ELL2: variants seen among roughly 807,000 people sequenced by gnomAD.
ELL2 encodes elongation factor for RNA polymerase II 2.
A neutral mutation model predicts 72.8 loss-of-function variants in ELL2; 21 were observed. That is an observed-to-expected ratio of 0.29 (90% CI 0.20 to 0.42). The LOEUF is 0.42. Among genes scored for constraint, ELL2 ranks in the 10% least tolerant of loss-of-function variants. The probability of loss-of-function intolerance (pLI) is 1.00; values close to 1 mark genes in which losing one functional copy is unlikely to be tolerated. For synonymous variants in ELL2, 266 were observed against 283.2 expected, an observed-to-expected ratio of 0.94 and a Z score of 0.61; for missense variants, 568 against 772.8, an observed-to-expected ratio of 0.73 and a Z score of 3.14.
intron 2 of ELL2, among the ~76,000 whole-genome samples, chr5:95,930,641 C>T (rs573887212): frequency 4.6e-5 from 7 of 152,012 alleles, no homozygotes; most frequent in Non-Finnish European, 8.8e-5. Flanking sequence ...GTAAGTCTTA[C>T]GGGGAACTTA....
At position 95,887,982 on chromosome 5, in the gene ELL2, AAAAC is replaced by A. The variant is rs1030956780; in HGVS notation, c.*885_*888del. Reference sequence around the variant, plus strand: ...AAAGTAGCAATTTGATAGAAGAAAAAAAACAAAAAAACAAAAAAACACCCTACAG... The same window carrying A: ...AAAGTAGCAATTTGATAGAAGAAAAAAAAAAAACAAAAAAACACCCTACAG... On this transcript the variant is annotated 3_prime_UTR_variant, in exon 12 of 12. Transcript: ENST00000237853. 2 of 152,480 alleles carry A rather than the reference AAAAC, an allele frequency of 1.3e-5. No individual in the cohort carries two copies. Among genetic ancestry groups the A allele is most frequent in the African/African-American group, 4.8e-5 (2 of 41,380 alleles). 9.4% of individuals were successfully genotyped at this position (152,480 alleles called of 1,614,324 possible).
chr5:95,894,235 C>T (rs148992242), intron 9 of ELL2, among the ~76,000 whole-genome samples: 96 of 152,104 alleles, frequency 6.3e-4, no homozygotes, highest in African/African-American at 2.2e-3. Context: ...AGCGAAATTC[C>T]GTCTCAAAAA....
intron 9 of ELL2, among the ~76,000 whole-genome samples, chr5:95,892,353 C>T (rs1748698976): frequency 6.6e-6 from 1 of 152,026 alleles, no homozygotes; most frequent in African/African-American, 2.4e-5. Context: ...CGTCATGTTG[C>T]CCAGTCTGGT....
chr5:95,932,075 G>T (rs1269681366), intron 2 of ELL2, among the ~76,000 whole-genome samples: 1 of 150,784 alleles, frequency 6.6e-6, no homozygotes, highest in Non-Finnish European at 1.5e-5. Flanking sequence ...CATCTACTCT[G>T]AAAATGCATT....
chr5:95,887,612 T>C lies in ELL2; in HGVS notation c.*1259A>G, dbSNP rs1410266199. ...TCCCACATGATAAAACAAGTGACAG[T>C]TTAAATCAATGTCAACAGATAAACT... On this transcript the variant is annotated 3_prime_UTR_variant, in exon 12 of 12. Coordinates refer to ENST00000237853, the MANE Select transcript of ELL2 (RefSeq NM_012081.6). 1 of 152,634 alleles carries C rather than the reference T, an allele frequency of 6.6e-6. No homozygotes were observed. The highest frequency in any genetic ancestry group is 1.5e-5 in the Non-Finnish European group (1 of 68,026). The allele number at this position is 152,634 out of a possible 1,614,324, so 9.5% of individuals were successfully genotyped here.
rs1185192074 is a variant in ELL2, at chr5:95,919,610, C to G, written c.196-65G>C. ...AATTTGCCATAGAAAAGTCTTAAGACTGACTTACTGGTTTTTCTAGTGAAA... is the reference window on the plus strand; with the variant it reads ...AATTTGCCATAGAAAAGTCTTAAGAGTGACTTACTGGTTTTTCTAGTGAAA... On this transcript the variant is annotated intron_variant, in intron 2 of 11. Coordinates refer to ENST00000237853, the MANE Select transcript of ELL2 (RefSeq NM_012081.6). The G allele has an allele frequency of 2.0e-6, 3 of 1,482,538 alleles. No homozygotes were observed. In the African/African-American group the frequency reaches 4.4e-5, roughly 22 times the overall value. The allele number at this position is 1,482,538 out of a possible 1,614,324, so 91.8% of individuals were successfully genotyped here.
chr5:95,934,790 TTTGAAC>T (rs1383685778), intron 2 of ELL2, among the ~76,000 whole-genome samples: 2 of 152,222 alleles, frequency 1.3e-5, no homozygotes, highest in Non-Finnish European at 2.9e-5. Flanking sequence ...TCTTGTCATA[TTTGAAC>T]TTGGCATCTC....
rs3777203 is a variant in ELL2 at position 95,898,673 on chromosome 5, C to T, written c.1092G>A (p.Pro364=). 447,295 of 1,610,574 alleles carry T rather than the reference C, an allele frequency of 0.28. 64,193 individuals carry two copies. Among genetic ancestry groups the T allele is most frequent in the African/African-American group, 0.43 (32,478 of 74,732 alleles). The change falls in exon 8 of 12, where the codon CCG becomes CCA. Residue 364 remains proline, a synonymous_variant. Coordinates refer to ENST00000237853, the MANE Select transcript of ELL2 (RefSeq NM_012081.6). The part of the protein sequence containing the change: ...PTSEKSAAGL[P]LPPAAAAIPT... Reference sequence around the variant, plus strand: ...GGATGGCAGCAGCCGCAGGGGGCAGCGGGAGGCCTGCAGCAGATTTTTCAC... The same window carrying T: ...GGATGGCAGCAGCCGCAGGGGGCAGTGGGAGGCCTGCAGCAGATTTTTCAC...
At chr5:95,953,677 A>G (rs1751504803) in intron 1 of ELL2, among the ~76,000 whole-genome samples, 1 of 126,398 alleles carries the variant, frequency 7.9e-6, no homozygotes, top group East Asian at 2.5e-4. Flanking sequence ...TGCACTCATG[A>G]TTCTTTTGTT....
intron 1 of ELL2, among the ~76,000 whole-genome samples, chr5:95,958,890 C>G (rs1399723083): frequency 6.7e-6 from 1 of 148,830 alleles, no homozygotes; most frequent in Admixed American, 6.7e-5. Context: ...ACTTTGGTAC[C>G]TCTTAAAAAG....
rs541610844 is a variant in ELL2 at position 95,893,044 on chromosome 5, T to TA, written c.1590-1771dup. Among the ~76,000 whole-genome samples the TA allele has an allele frequency of 1.4e-3, 214 of 152,318 alleles. 1 individual carries two copies. The highest frequency in any genetic ancestry group is 4.9e-3 in the African/African-American group (203 of 41,560). ...ACACAGCTAAACCGATCTTAAAACT[T>TA]AGACTTAATTTGTTATATATTTATC... On this transcript the variant is annotated intron_variant, in intron 9 of 11. Transcript: ENST00000237853.
At chr5:95,911,592 C>T (rs536302665) in intron 4 of ELL2, among the ~76,000 whole-genome samples, 15 of 152,086 alleles carry the variant, frequency 9.9e-5, no homozygotes, top group East Asian at 7.7e-4. Flanking sequence ...GTGATCTGCC[C>T]GCCTCGGCCT....
chr5:95,944,272 C>A (rs1751075089), intron 1 of ELL2, among the ~76,000 whole-genome samples: 2 of 152,120 alleles, frequency 1.3e-5, no homozygotes, highest in Admixed American at 1.3e-4. Context: ...CATTAGCTAT[C>A]TTATTATTAT....
chr5:95,950,941 T>C lies in ELL2; in HGVS notation c.148-7892A>G, dbSNP rs1321200067. On this transcript the variant is annotated intron_variant, in intron 1 of 11. Transcript: ENST00000237853. ...ATATATATATATATATATATATATA[T>C]ATATATATATATAAAATCTTCATAT... Among the ~76,000 whole-genome samples, 64 of 109,316 alleles carry C rather than the reference T, an allele frequency of 5.9e-4. 3 individuals carry two copies. The highest frequency in any genetic ancestry group is 1.1e-3 in the Non-Finnish European group (58 of 54,114). The allele number at this position is 109,316 out of a possible 152,430, so 71.7% of individuals were successfully genotyped here.
Position 95,895,874 on chromosome 5 carries a change from C to T in ELL2, c.1526-183G>A, listed in dbSNP as rs568270554. Reference sequence around the variant, plus strand: ...TGAACAATAGAGGCCCTATGACCAGCGCCAGCAGAACCGACGCCAGGCATT... The same window carrying T: ...TGAACAATAGAGGCCCTATGACCAGTGCCAGCAGAACCGACGCCAGGCATT... On this transcript the variant is annotated intron_variant, in intron 8 of 11. Coordinates refer to ENST00000237853, the MANE Select transcript of ELL2 (RefSeq NM_012081.6). Among the ~76,000 whole-genome samples the T allele has an allele frequency of 8.5e-4, 130 of 152,288 alleles. No homozygotes were observed. The Middle Eastern group carries it at 0.01, about 12-fold the overall frequency.
intron 1 of ELL2, among the ~76,000 whole-genome samples, chr5:95,945,335 T>C (rs1052046601): frequency 1.3e-5 from 2 of 152,222 alleles, no homozygotes; most frequent in East Asian, 3.8e-4. Flanking sequence ...CTTCATATTC[T>C]ATTAGTCGTT....
intron 7 of ELL2, 114 bp from the exon 8 acceptor site, chr5:95,898,924 G>C (rs1749003837): frequency 1.3e-6 from 1 of 765,862 alleles, no homozygotes; most frequent in Non-Finnish European, 1.9e-6. Context: ...AATATTACCA[G>C]GGTTGTAATA....
intron 2 of ELL2, among the ~76,000 whole-genome samples, chr5:95,935,868 T>A (rs1189344778): frequency 6.6e-6 from 1 of 152,088 alleles, no homozygotes. Flanking sequence ...GTATAAGGAA[T>A]GACTAAGTCA....
chr5:95,954,281 C>T (rs1257779845), intron 1 of ELL2, among the ~76,000 whole-genome samples: 1 of 152,112 alleles, frequency 6.6e-6, no homozygotes, highest in Non-Finnish European at 1.5e-5. Flanking sequence ...CTCTCCTACC[C>T]CCAACTCCAC....
Sources: allele counts gnomAD v4.1 joint callset (sites outside exome capture counted in the v4.1 genomes callset), GRCh38; gene constraint gnomAD v4.1.1; transcripts MANE v1.5; gene names NCBI Gene and HGNC (gene_info 2026-07-23, HGNC 2026-07-21).